Variants in AGFG1 observed in about 807,000 individuals in gnomAD.
The protein encoded by AGFG1 is ArfGAP with FG repeats 1, also known as arf-GAP domain and FG repeat-containing protein 1.
In AGFG1, 10 loss-of-function variants were observed where a neutral mutation model predicts 60.6. The ratio of observed to expected loss-of-function variants is 0.16; its 90% confidence interval spans 0.10 to 0.28. AGFG1 has a LOEUF of 0.28. Among genes scored for constraint, AGFG1 ranks in the 10% least tolerant of loss-of-function variants. The probability of loss-of-function intolerance (pLI) is 1.00; values close to 1 mark genes in which losing one functional copy is unlikely to be tolerated. For synonymous variants in AGFG1, 247 were observed against 242.9 expected (o/e 1.02, Z -0.16); for missense variants, 537 against 676.5 (o/e 0.79, Z 2.29).
intron 1 of AGFG1, among the ~76,000 whole-genome samples, chr2:227,474,683 G>T (rs893159796): frequency 1.3e-5 from 2 of 152,222 alleles, no homozygotes; most frequent in Non-Finnish European, 2.9e-5. Flanking sequence ...TTCTGTGAAT[G>T]AGATAGCCAG....
chr2:227,508,387 C>T, intron 2 of AGFG1: 1 of 250,718 alleles, frequency 4.0e-6, no homozygotes, highest in Non-Finnish European at 8.1e-6. Flanking sequence ...CATATCAAGA[C>T]AAAATATAAA....
At chr2:227,517,667 T>TTA (rs1438451218) in intron 2 of AGFG1, among the ~76,000 whole-genome samples, 3 of 152,218 alleles carry the variant, frequency 2.0e-5, no homozygotes, top group African/African-American at 7.2e-5. Context: ...CATACCCAGT[T>TTA]CAGTGAGCAG....
intron 10 of AGFG1, among the ~76,000 whole-genome samples, chr2:227,541,550 C>T (rs886604212): frequency 2.6e-5 from 4 of 152,142 alleles, no homozygotes; most frequent in African/African-American, 9.7e-5. Context: ...TTCCATTGGT[C>T]TATATATTTG....
At chr2:227,491,739 CTAAA>C (rs1292507079) in intron 2 of AGFG1, 99 bp downstream of exon 2, 3 of 625,948 alleles carry the variant, frequency 4.8e-6, no homozygotes, top group Non-Finnish European at 8.0e-6. Flanking sequence ...ATTTCACGGT[CTAAA>C]TAAGTTATTT....
At chr2:227,508,361 CA>C in intron 2 of AGFG1, 1 of 248,066 alleles carries the variant, frequency 4.0e-6, no homozygotes, top group East Asian at 9.1e-5. Context: ...AGATAATCCA[CA>C]AACAATTCTT....
At chr2:227,512,362 A>G (rs1394847689) in intron 2 of AGFG1, among the ~76,000 whole-genome samples, 1 of 152,216 alleles carries the variant, frequency 6.6e-6, no homozygotes, top group African/African-American at 2.4e-5. Context: ...TTGTTTGTGC[A>G]GGCATCATTC....
intron 5 of AGFG1, among the ~76,000 whole-genome samples, chr2:227,530,038 G>A (rs1319166851): frequency 3.9e-5 from 6 of 152,060 alleles, no homozygotes; most frequent in East Asian, 3.8e-4. Context: ...GCTAGTTTGC[G>A]TCCTATGATC....
chr2:227,553,672 T>C (rs749053557), intron 11 of AGFG1, 32 bp from the exon 12 acceptor site: 2 of 1,539,952 alleles, frequency 1.3e-6, no homozygotes, highest in South Asian at 2.2e-5. Flanking sequence ...CTTGAAGGTA[T>C]GGGTTATAAT....
intron 10 of AGFG1, among the ~76,000 whole-genome samples, chr2:227,543,506 T>C (rs1375558845): frequency 6.6e-6 from 1 of 152,248 alleles, no homozygotes; most frequent in Non-Finnish European, 1.5e-5. Context: ...TTGATTGCAC[T>C]GTGGTCTGAG....
rs1171524161 is a variant in AGFG1, at chr2:227,559,584, A to G, written c.*5089A>G. 6.6e-6 allele frequency: 1 copy of G among 152,204 alleles called. No individual in the cohort carries two copies. Among genetic ancestry groups the G allele is most frequent in the African/African-American group, 2.4e-5 (1 of 41,462 alleles). The allele number at this position is 152,204 out of a possible 1,614,324, so 9.4% of individuals were successfully genotyped here. On this transcript the variant is annotated 3_prime_UTR_variant, in exon 13 of 13. Coordinates refer to ENST00000310078, the MANE Select transcript of AGFG1 (RefSeq NM_004504.5). ...GTGATTTGAGCTTTTATAAAAAAAGATAAGTGATCCTAGATAAAATATTTT... is the reference window on the plus strand; with the variant it reads ...GTGATTTGAGCTTTTATAAAAAAAGGTAAGTGATCCTAGATAAAATATTTT...
intron 3 of AGFG1, 36 bp from the exon 4 acceptor site, chr2:227,523,726 CA>C (rs758356564): frequency 1.3e-5 from 20 of 1,572,812 alleles, no homozygotes; most frequent in African/African-American, 1.2e-4. Context: ...GAATTACCTA[CA>C]TTTTTTTTTA....
chr2:227,552,211 A>C, intron 11 of AGFG1, 94 bp downstream of exon 11: 2 of 1,424,846 alleles, frequency 1.4e-6, no homozygotes, highest in Non-Finnish European at 1.9e-6. Context: ...TTTTCTAAAG[A>C]ATACTATAGT....
intron 10 of AGFG1, among the ~76,000 whole-genome samples, chr2:227,550,521 C>T (rs767552644): frequency 1.6e-4 from 24 of 151,144 alleles, no homozygotes; most frequent in Non-Finnish European, 3.4e-4. Context: ...GTCAAAGTTA[C>T]GTCGGTGCAT....
intron 6 of AGFG1, chr2:227,532,146 A>G: frequency 3.9e-6 from 6 of 1,545,866 alleles, no homozygotes; most frequent in East Asian, 2.5e-5. Flanking sequence ...AGCATTTAGA[A>G]TGCTTTCATC....
intron 2 of AGFG1, among the ~76,000 whole-genome samples, chr2:227,509,528 A>C (rs146674650): frequency 0.012 from 1,814 of 152,238 alleles, 27 homozygotes; most frequent in African/African-American, 0.022. Flanking sequence ...ATGTAAAAGA[A>C]CGTACTTATT....
At chr2:227,527,863 T>C (rs777382607) in intron 5 of AGFG1, among the ~76,000 whole-genome samples, 3 of 152,220 alleles carry the variant, frequency 2.0e-5, no homozygotes, top group Non-Finnish European at 4.4e-5. Context: ...CAAGACTGTA[T>C]CTTTGTAAAA....
At chr2:227,552,226 T>G in intron 11 of AGFG1, 109 bp downstream of exon 11, 1 of 1,266,710 alleles carries the variant, frequency 7.9e-7, no homozygotes. Context: ...TATAGTATTA[T>G]CTACTGAGTG....
intron 10 of AGFG1, among the ~76,000 whole-genome samples, chr2:227,551,200 G>A (rs1186147513): frequency 1.3e-5 from 2 of 152,156 alleles, no homozygotes; most frequent in African/African-American, 4.8e-5. Context: ...ATTCTTCTAG[G>A]AATGCTTATT....
rs752316954 is a variant in AGFG1, at chr2:227,496,441, C to CAA, written c.261+4812_261+4813dup. Among the ~76,000 whole-genome samples the CAA allele has an allele frequency of 4.4e-3, 609 of 139,866 alleles. 12 individuals are homozygous for CAA. The highest frequency in any genetic ancestry group is 0.012 in the African/African-American group (448 of 38,178). 91.8% of individuals were successfully genotyped at this position (139,866 alleles called of 152,430 possible). The stretch of plus-strand genomic sequence containing the variant: ...TGGGCGATAGAGCGAGACTCCGTCT[C>CAA]AAAAAAAAAAAATAAATAAAATAGC... On this transcript the variant is annotated intron_variant, in intron 2 of 12. Transcript: ENST00000310078.
Sources: gnomAD v4.1 joint callset for allele counts (sites outside exome capture counted in the v4.1 genomes callset) on GRCh38, gnomAD v4.1.1 for gene constraint, MANE v1.5 for transcripts, NCBI Gene and HGNC (gene_info 2026-07-23, HGNC 2026-07-21) for gene names.